The following CASKIN1 variants were observed in gnomAD, a reference collection of about 807,000 sequenced individuals.
The protein encoded by CASKIN1 is CASK interacting protein 1.
In CASKIN1, 42 loss-of-function variants were observed where a neutral mutation model predicts 117.5. The ratio of observed to expected loss-of-function variants is 0.36; its 90% CI spans 0.28 to 0.46. CASKIN1 has a LOEUF of 0.46. Among genes scored for constraint, CASKIN1 ranks in the 20% least tolerant of loss-of-function variants. The probability of loss-of-function intolerance (pLI) is 1.00; values close to 1 mark genes in which losing one functional copy is unlikely to be tolerated. For synonymous variants in CASKIN1, 1,148 were observed against 961.7 expected (o/e 1.19, Z -3.59); for missense variants, 2,083 against 2,077.3 (o/e 1.00, Z -0.05).
chr16:2,196,241 C>G lies in CASKIN1; in HGVS notation c.94+98G>C, dbSNP rs964512600. The G allele has an allele frequency of 2.7e-6, 1 of 371,652 alleles. No homozygotes were observed. The highest frequency in any genetic ancestry group is 4.1e-6 in the Non-Finnish European group (1 of 241,024). The allele number at this position is 371,652 out of a possible 1,614,324, so 23.0% of individuals were successfully genotyped here. On this transcript the variant is annotated intron_variant, in intron 1 of 19. Coordinates refer to ENST00000343516, the MANE Select transcript of CASKIN1 (RefSeq NM_020764.4). This position sits in a 1 kb window ranked among gnomAD's most constrained non-coding sequence, Gnocchi z 5.7. The stretch of plus-strand genomic sequence containing the variant: ...TGGCCCCGCCCCGCCCCCGGGGACC[C>G]GACAACGTCCCCTCCCCGCCCGGCG...
rs1056677572 is a variant in CASKIN1 at position 2,182,486 on chromosome 16, G to T, written c.1630-557C>A. 1.3e-5 allele frequency among the ~76,000 whole-genome samples: 2 copies of T among 151,244 alleles called. No homozygotes were observed. The highest frequency in any genetic ancestry group is 4.9e-5 in the African/African-American group (2 of 41,094). On this transcript the variant is annotated intron_variant, in intron 16 of 19. Transcript: ENST00000343516. The surrounding 1 kb of genome is among the most constrained non-coding windows in gnomAD (Gnocchi z 4.1). ...ATCACTCCCCGAGCGGCATTCAGGC[G>T]TCCACACTTCCAGCTGGAATTCACT...
intron 12 of CASKIN1, 28 bp from the exon 13 acceptor site, chr16:2,185,063 C>CCTGCT: frequency 6.2e-7 from 1 of 1,606,708 alleles, no homozygotes; most frequent in Non-Finnish European, 8.5e-7. Flanking sequence ...CGGCTTGTCA[C>CCTGCT]CTGCTCCCAG....
chr16:2,178,690 TG>T, intron 19 of CASKIN1, 44 bp from the exon 20 acceptor site: 1 of 1,513,714 alleles, frequency 6.6e-7, no homozygotes. Flanking sequence ...GGGGCGGGTC[TG>T]GCCACGCCCA....
In CASKIN1 at chr16:2,184,975, C is replaced by T. The variant is rs370074047; in HGVS notation, c.1300G>A (p.Ala434Thr). 2.4e-5 allele frequency: 38 copies of T among 1,605,854 alleles called. No individual in the cohort carries two copies. The highest frequency in any genetic ancestry group is 1.7e-4 in the Middle Eastern group (1 of 6,044). Residue 434 changes from alanine (A) to threonine (T), a missense_variant, in exon 13 of 20, where the codon GCC becomes ACC. Physicochemically the swap from Ala to Thr is moderately conservative, Grantham distance 58 (BLOSUM62 0). This residue lies in a region of CASKIN1 where 1,818 missense variants were observed against 1,688.9 expected (regional missense o/e 1.08). Coordinates refer to ENST00000343516, the MANE Select transcript of CASKIN1 (RefSeq NM_020764.4). ...CCTGCAGAGCCTTCCGGAGGCTTGG[C>T]GGGGCTGTCCCCCGGGCCGGACTCA... ...VSESGPGDSP[A>T]KPPEGSAGVA...
Position 2,181,457 on chromosome 16 carries a change from A to G in CASKIN1, c.1911T>C (p.Pro637=). The change falls in exon 18 of 20, where the codon CCT becomes CCC. Residue 637 remains proline, a synonymous_variant. Coordinates refer to ENST00000343516, the MANE Select transcript of CASKIN1 (RefSeq NM_020764.4). ...EVMAIESPPP[P]EPTPADCQSP... ...ACTGGCAGTCGGCCGGTGTGGGCTCAGGCGGGGGCGGCGACTCGATGGCCA... is the reference window on the plus strand; with the variant it reads ...ACTGGCAGTCGGCCGGTGTGGGCTCGGGCGGGGGCGGCGACTCGATGGCCA... The G allele has an allele frequency of 6.2e-7, 1 of 1,611,810 alleles. No homozygotes were observed.
In CASKIN1 at chr16:2,178,520, G is replaced by C; in HGVS notation, c.*30C>G. ...AGGTCAGTGTGCGGGGAGGGCCCGG[G>C]CGGCGCGGGAGGGCCCGGCCAGGCG... On this transcript the variant is annotated 3_prime_UTR_variant, in exon 20 of 20. Transcript: ENST00000343516. 6.5e-7 allele frequency: 1 copy of C among 1,532,636 alleles called. No individual in the cohort carries two copies. 94.9% of individuals were successfully genotyped at this position (1,532,636 alleles called of 1,614,324 possible). A position where few individuals can be genotyped will look rare whatever the true frequency, so the allele number is the denominator to read the frequency against.
At position 2,177,625 on chromosome 16, in the gene CASKIN1, C is replaced by T. The variant is rs758707042; in HGVS notation, c.*925G>A. 88 of 237,790 alleles carry T rather than the reference C, an allele frequency of 3.7e-4. No individual in the cohort carries two copies. Among genetic ancestry groups the T allele is most frequent in the Non-Finnish European group, 6.5e-4 (79 of 120,770 alleles). The allele number at this position is 237,790 out of a possible 1,614,324, so 14.7% of individuals were successfully genotyped here. Reference sequence around the variant, plus strand: ...GGGTGGATGGGCTGCCTGCACAGCCCCTGGAGAGGGGGCCAGGCACACCCT... The same window carrying T: ...GGGTGGATGGGCTGCCTGCACAGCCTCTGGAGAGGGGGCCAGGCACACCCT... On this transcript the variant is annotated 3_prime_UTR_variant, in exon 20 of 20. Transcript: ENST00000343516.
At chr16:2,195,332 G>C (rs999544218) in intron 1 of CASKIN1, among the ~76,000 whole-genome samples, 1 of 152,240 alleles carries the variant, frequency 6.6e-6, no homozygotes, top group Non-Finnish European at 1.5e-5. Flanking sequence ...CCTGGAGGAA[G>C]GGGAGGGGGA....
In CASKIN1 at chr16:2,180,306, C is replaced by T. The variant is rs892306747; in HGVS notation, c.3062G>A (p.Arg1021His). The T allele has an allele frequency of 8.8e-6, 14 of 1,588,784 alleles. No individual in the cohort carries two copies. The highest frequency in any genetic ancestry group is 1.7e-5 in the Admixed American group (1 of 58,280). Residue 1021 changes from arginine to histidine, a missense_variant, in exon 18 of 20, where the codon CGC becomes CAC. Physicochemically the swap from Arg to His is conservative, Grantham distance 29. Coordinates refer to ENST00000343516, the MANE Select transcript of CASKIN1 (RefSeq NM_020764.4). ...SSIGGGGRAARRPPEGHPTPR... is the reference protein window; with the variant it reads ...SSIGGGGRAAHRPPEGHPTPR... Reference sequence around the variant, plus strand: ...AGTGGGGTGGCCCTCAGGAGGCCTGCGGGCAGCCCGGCCCCCACCCCCAAT... The same window carrying T: ...AGTGGGGTGGCCCTCAGGAGGCCTGTGGGCAGCCCGGCCCCCACCCCCAAT...
In CASKIN1 at chr16:2,179,900, C is replaced by T; in HGVS notation, c.3468G>A (p.Glu1156=). The change falls in exon 18 of 20, where the codon GAG becomes GAA. Residue 1156 remains glutamate, a synonymous_variant. Transcript: ENST00000343516. This position sits in a 1 kb window ranked among gnomAD's most constrained non-coding sequence, Gnocchi z 5.8. ...GTGGTGGCTCAGGCCCGGCCTCCCG[C>T]TCCTTGGCCTTGGGCCTGCGCTTGA... is the stretch of plus-strand genomic sequence containing the variant. ...DTVKRRPKAK[E]REAGPEPPPP... is the part of the protein sequence containing the mutation. 1.2e-6 allele frequency: 2 copies of T among 1,605,606 alleles called. No individual in the cohort carries two copies. The highest frequency in any genetic ancestry group is 1.7e-6 in the Non-Finnish European group (2 of 1,176,400).
chr16:2,185,610 G>A (rs1399716071), intron 10 of CASKIN1, among the ~76,000 whole-genome samples: 4 of 152,242 alleles, frequency 2.6e-5, no homozygotes, highest in Non-Finnish European at 5.9e-5. Flanking sequence ...CCAAGCCTAG[G>A]CATCCTGCCG....
rs1188984833 is a variant in CASKIN1 at position 2,189,587 on chromosome 16, G to A, written c.245-23C>T. The A allele has an allele frequency of 3.8e-6, 6 of 1,579,208 alleles. No homozygotes were observed. The South Asian group carries it at 6.9e-5, about 18-fold the overall frequency. On this transcript the variant is annotated intron_variant, in intron 3 of 19. Coordinates refer to ENST00000343516, the MANE Select transcript of CASKIN1 (RefSeq NM_020764.4). ...TGCCTGGGGGGCGAGGGGATGCTGGGAGCTGACCCTTGACCCCAAACCCAA... is the reference window on the plus strand; with the variant it reads ...TGCCTGGGGGGCGAGGGGATGCTGGAAGCTGACCCTTGACCCCAAACCCAA...
Position 2,188,590 on chromosome 16 carries a change from A to C in CASKIN1, c.617+437T>G, listed in dbSNP as rs1291597160. Among the ~76,000 whole-genome samples the C allele has an allele frequency of 7.9e-5, 12 of 152,046 alleles. No homozygotes were observed. The East Asian group carries it at 9.6e-4, about 12-fold the overall frequency. ...GGTCTCGAACTCCTGGCCTCAAGCA[A>C]TCCTCCCTCCTTGGCCTCCCAAAGT... On this transcript the variant is annotated intron_variant, in intron 6 of 19. Coordinates refer to ENST00000343516, the MANE Select transcript of CASKIN1 (RefSeq NM_020764.4).
At position 2,178,053 on chromosome 16, in the gene CASKIN1, T is replaced by G. The variant is rs1239061892; in HGVS notation, c.*497A>C. The G allele has an allele frequency of 2.1e-6, 1 of 469,214 alleles. No individual in the cohort carries two copies. The highest frequency in any genetic ancestry group is 3.0e-5 in the Admixed American group (1 of 33,326). The allele number at this position is 469,214 out of a possible 1,614,324, so 29.1% of individuals were successfully genotyped here. On this transcript the variant is annotated 3_prime_UTR_variant, in exon 20 of 20. Transcript: ENST00000343516. ...TTTCTTTCTTTAAATATATATTTGT[T>G]AAAGTTATACCTTTTTGTTTCTCTG...
At position 2,181,083 on chromosome 16, in the gene CASKIN1, T is replaced by C. The variant is rs1157003614; in HGVS notation, c.2285A>G (p.Lys762Arg). Reference protein sequence around the residue: ...KRASVPPVPGKPRQVLPPGTS... With the variant: ...KRASVPPVPGRPRQVLPPGTS... ...GCCTGGTGGGAGGACCTGCCGTGGC[T>C]TGCCAGGCACGGGGGGCACGCTGGC... The change falls in exon 18 of 20, where the codon AAG becomes AGG. Residue 762 changes from lysine (K) to arginine (R), a missense_variant. Coordinates refer to ENST00000343516, the MANE Select transcript of CASKIN1 (RefSeq NM_020764.4). The C allele has an allele frequency of 2.7e-6, 4 of 1,484,918 alleles. No homozygotes were observed. The highest frequency in any genetic ancestry group is 1.8e-4 in the Middle Eastern group (1 of 5,408). 92.0% of individuals were successfully genotyped at this position (1,484,918 alleles called of 1,614,324 possible). A position where few individuals can be genotyped will look rare whatever the true frequency, so the allele number is the denominator to read the frequency against.
Position 2,180,439 on chromosome 16 carries a change from G to T in CASKIN1, c.2929C>A (p.Leu977Met). 6.4e-7 allele frequency: 1 copy of T among 1,564,894 alleles called. No homozygotes were observed. The change falls in exon 18 of 20, where the codon CTG (leucine) becomes ATG (methionine). Residue 977 changes from leucine to methionine, a missense_variant. By Grantham distance (15) the Leu-to-Met change is conservative. Coordinates refer to ENST00000343516, the MANE Select transcript of CASKIN1 (RefSeq NM_020764.4). The part of the protein sequence containing the change: ...VPDAEPEDGL[L>M]GVRAQCRRAS... ...CGCCGGCACTGTGCCCGGACCCCCA[G>T]CAGGCCATCCTCAGGCTCGGCGTCA...
intron 10 of CASKIN1, among the ~76,000 whole-genome samples, chr16:2,185,974 C>T (rs2093183163): frequency 6.6e-6 from 1 of 152,166 alleles, no homozygotes; most frequent in African/African-American, 2.4e-5. Context: ...ACTTGAGTGC[C>T]TTTGTTTTAA....
intron 1 of CASKIN1, among the ~76,000 whole-genome samples, chr16:2,194,997 C>G (rs529804106): frequency 3.5e-4 from 53 of 152,346 alleles, no homozygotes; most frequent in Non-Finnish European, 6.8e-4. Context: ...AGACTGAGGT[C>G]CACTGAGCTG....
rs1236371077 is a variant in CASKIN1 at position 2,196,061 on chromosome 16, TAGAG to T, written c.94+274_94+277del. ...GCCTGGGAAGGGAGGGGGACAGAGG[TAGAG>T]AGAGAGGGATGCGAACGCCCGCGGC... is the stretch of plus-strand genomic sequence containing the variant. On this transcript the variant is annotated intron_variant, in intron 1 of 19. Coordinates refer to ENST00000343516, the MANE Select transcript of CASKIN1 (RefSeq NM_020764.4). The surrounding 1 kb of genome is among the most constrained non-coding windows in gnomAD (Gnocchi z 5.7). 1.3e-5 allele frequency among the ~76,000 whole-genome samples: 2 copies of T among 149,264 alleles called. No homozygotes were observed. The highest frequency in any genetic ancestry group is 2.0e-4 in the East Asian group (1 of 5,024).
Sources: allele counts gnomAD v4.1 joint callset (sites outside exome capture counted in the v4.1 genomes callset), GRCh38; gene constraint gnomAD v4.1.1; regional missense constraint gnomAD v4.1.1; non-coding constraint Gnocchi (gnomAD v3.1); transcripts MANE v1.5; gene names NCBI Gene and HGNC (gene_info 2026-07-23, HGNC 2026-07-21).